The following BLTP3B variants were observed in gnomAD, a reference collection of about 807,000 sequenced individuals.
BLTP3B encodes the protein bridge-like lipid transfer protein family member 3B.
the BLTP3B span, among the ~76,000 whole-genome samples, chr12:100,089,325 G>A: frequency 1.3e-5 from 2 of 152,090 alleles, no homozygotes; most frequent in East Asian, 1.9e-4. Context: ...TTGGGAGGCC[G>A]AGGCAGGCGA....
At chr12:100,130,248 C>G in the BLTP3B span, among the ~76,000 whole-genome samples, 1 of 152,204 alleles carries the variant, frequency 6.6e-6, no homozygotes, top group Non-Finnish European at 1.5e-5. Context: ...GTGTGACCCA[C>G]CACACCCGGC....
chr12:100,120,041 T>C, the BLTP3B span, among the ~76,000 whole-genome samples: 1 of 152,108 alleles, frequency 6.6e-6, no homozygotes, highest in African/African-American at 2.4e-5. Flanking sequence ...GTACCTACAA[T>C]TTTTTTTAAA....
At chr12:100,113,750 G>A in the BLTP3B span, among the ~76,000 whole-genome samples, 1 of 150,994 alleles carries the variant, frequency 6.6e-6, no homozygotes, top group Non-Finnish European at 1.5e-5. Flanking sequence ...TTGAGGCCAA[G>A]AGTTTGACAC....
At chr12:100,123,953 A>G in the BLTP3B span, among the ~76,000 whole-genome samples, 2 of 152,110 alleles carry the variant, frequency 1.3e-5, no homozygotes, top group Non-Finnish European at 2.9e-5. Context: ...GTTTTTAAAA[A>G]TCTCAATTTG....
chr12:100,136,842 G>A, the BLTP3B span, among the ~76,000 whole-genome samples: 252 of 148,296 alleles, frequency 1.7e-3, 1 homozygote, highest in African/African-American at 6.0e-3. Flanking sequence ...ATGGAGTTTC[G>A]CTCTTGTTGC....
At chr12:100,044,696 G>A in the BLTP3B span, among the ~76,000 whole-genome samples, 1 of 152,184 alleles carries the variant, frequency 6.6e-6, no homozygotes, top group African/African-American at 2.4e-5. Flanking sequence ...CACTATACAA[G>A]GATGCCCTCT....
At chr12:100,077,817 C>A in the BLTP3B span, among the ~76,000 whole-genome samples, 31 of 152,146 alleles carry the variant, frequency 2.0e-4, no homozygotes, top group Admixed American at 1.8e-3. Context: ...AATTAGACCA[C>A]GTTAGGTGAT....
chr12:100,065,677 C>A, the BLTP3B span, among the ~76,000 whole-genome samples: 3 of 152,106 alleles, frequency 2.0e-5, no homozygotes, highest in African/African-American at 7.2e-5. Flanking sequence ...TGATCTTGAA[C>A]CCTGTTTTCT....
chr12:100,102,014 G>A, the BLTP3B span, among the ~76,000 whole-genome samples: 1 of 152,060 alleles, frequency 6.6e-6, no homozygotes, highest in Non-Finnish European at 1.5e-5. Context: ...TGGTCAAGCT[G>A]GTGGCAAACT....
the BLTP3B span, among the ~76,000 whole-genome samples, chr12:100,065,624 GA>G: frequency 6.6e-6 from 1 of 152,122 alleles, no homozygotes; most frequent in Non-Finnish European, 1.5e-5. Flanking sequence ...TGAGGGTTGG[GA>G]AAAGACCACT....
the BLTP3B span, among the ~76,000 whole-genome samples, chr12:100,079,064 G>A: frequency 6.6e-6 from 1 of 152,176 alleles, no homozygotes; most frequent in Non-Finnish European, 1.5e-5. Flanking sequence ...ATGTGGAACT[G>A]TACGTCTATT....
the BLTP3B span, among the ~76,000 whole-genome samples, chr12:100,115,279 G>A: frequency 1.3e-5 from 2 of 152,028 alleles, no homozygotes; most frequent in African/African-American, 2.4e-5. Flanking sequence ...GGTGGCAGGC[G>A]CCTGTAATCC....
the BLTP3B span, among the ~76,000 whole-genome samples, chr12:100,069,747 T>C: frequency 1.3e-5 from 2 of 151,996 alleles, no homozygotes; most frequent in East Asian, 1.9e-4. Context: ...AGACTACAAA[T>C]AGGGTACAGT....
the BLTP3B span, among the ~76,000 whole-genome samples, chr12:100,114,901 G>A: frequency 1.3e-5 from 2 of 152,240 alleles, no homozygotes; most frequent in South Asian, 4.1e-4. Context: ...CACTCCAGGT[G>A]TACCTCTTTT....
At chr12:100,127,153 C>T in the BLTP3B span, among the ~76,000 whole-genome samples, 4 of 152,074 alleles carry the variant, frequency 2.6e-5, no homozygotes, top group Non-Finnish European at 5.9e-5. Flanking sequence ...GCAAGCGTCT[C>T]AGAGGATTTG....
the BLTP3B span, among the ~76,000 whole-genome samples, chr12:100,050,663 A>G: frequency 1.3e-5 from 2 of 152,046 alleles, no homozygotes; most frequent in Non-Finnish European, 2.9e-5. Flanking sequence ...AAAATTTAAA[A>G]CAGCCAGGTG....
At chr12:100,142,866 A>C in the BLTP3B span, 1 of 502,496 alleles carries the variant, frequency 2.0e-6, no homozygotes, top group Non-Finnish European at 3.4e-6. Context: ...AGCATCACCT[A>C]AGAGACTCGG....
the BLTP3B span, chr12:100,142,524 C>T: frequency 6.4e-7 from 1 of 1,552,616 alleles, no homozygotes. Flanking sequence ...GCCCCCGAAG[C>T]CGCAGGCTGA....
chr12:100,133,606 T>G, the BLTP3B span, among the ~76,000 whole-genome samples: 1 of 152,200 alleles, frequency 6.6e-6, no homozygotes, highest in Non-Finnish European at 1.5e-5. Context: ...TTCAACACTA[T>G]CTGTGAGACC....
Sources: gnomAD v4.1 joint callset for allele counts (sites outside exome capture counted in the v4.1 genomes callset) on GRCh38, gnomAD v4.1.1 for gene constraint, MANE v1.5 for transcripts, NCBI Gene and HGNC (gene_info 2026-07-23, HGNC 2026-07-21) for gene names.